PKHD1: variants seen among roughly 807,000 people sequenced by gnomAD.
PKHD1 encodes PKHD1 ciliary IPT domain containing fibrocystin/polyductin, also known as fibrocystin.
PKHD1 carries 291 observed loss-of-function variants against 412.0 expected under a neutral mutation model. The observed-to-expected ratio is 0.71, with a 90% CI of 0.64 to 0.78. The LOEUF (loss-of-function observed/expected upper bound fraction) is 0.78, where lower values mean the gene tolerates loss of function less well. PKHD1 is among the 30% of genes least tolerant of loss of function. The pLI, the probability that PKHD1 is intolerant of heterozygous loss-of-function variation, is 0.00. For missense variants in PKHD1, 4,825 were observed against 4,950.7 expected (o/e 0.97, Z 0.76); for synonymous variants, 1,777 against 1,821.5 (o/e 0.98, Z 0.62).
At chr6:51,853,941 A>T (rs1331998992) in intron 49 of PKHD1, among the ~76,000 whole-genome samples, 1 of 152,134 alleles carries the variant, frequency 6.6e-6, no homozygotes, top group African/African-American at 2.4e-5. Context: ...TTGATCCTCC[A>T]TCCAGTTCTG....
At chr6:51,861,685 G>A (rs1386241915) in intron 48 of PKHD1, among the ~76,000 whole-genome samples, 2 of 152,108 alleles carry the variant, frequency 1.3e-5, no homozygotes, top group African/African-American at 4.8e-5. Context: ...GCTAACACCT[G>A]CCACCATTCC....
intron 35 of PKHD1, among the ~76,000 whole-genome samples, chr6:51,987,159 C>CA (rs1460866438): frequency 6.6e-6 from 1 of 152,224 alleles, no homozygotes; most frequent in Non-Finnish European, 1.5e-5. Context: ...AGCAGAATCT[C>CA]AGAGTCCAGT....
chr6:52,035,792 G>C, intron 27 of PKHD1, 71 bp from the exon 28 acceptor site: 1 of 1,421,692 alleles, frequency 7.0e-7, no homozygotes, highest in Admixed American at 1.7e-5. Context: ...TTATGCACAA[G>C]ATGGATAAAA....
At chr6:51,833,909 C>T (rs910228722) in intron 51 of PKHD1, among the ~76,000 whole-genome samples, 9 of 152,100 alleles carry the variant, frequency 5.9e-5, no homozygotes, top group African/African-American at 2.2e-4. Context: ...AAACTGGAGC[C>T]CATGAATTTT....
chr6:51,828,616 A>G (rs1238357182), intron 52 of PKHD1, among the ~76,000 whole-genome samples: 1 of 152,154 alleles, frequency 6.6e-6, no homozygotes, highest in Non-Finnish European at 1.5e-5. Context: ...GATGGGAGCA[A>G]TGAGTTCATG....
chr6:51,672,057 C>T (rs1298164559), intron 60 of PKHD1, among the ~76,000 whole-genome samples: 2 of 152,210 alleles, frequency 1.3e-5, no homozygotes, highest in African/African-American at 4.8e-5. Context: ...TAAATGTTCA[C>T]AGAGTAGCTT....
In PKHD1 at chr6:51,885,776, G is replaced by A. The variant is rs992924473; in HGVS notation, c.7215+91C>T. On this transcript the variant is annotated intron_variant, in intron 45 of 66. Coordinates refer to ENST00000371117, the MANE Select transcript of PKHD1 (RefSeq NM_138694.4). ...TCAAGGGCAAGTCAATCCCATTTAAGTAGATATGCATAATGAATTGCTGTG... is the reference window on the plus strand; with the variant it reads ...TCAAGGGCAAGTCAATCCCATTTAAATAGATATGCATAATGAATTGCTGTG... 4.8e-6 allele frequency: 4 copies of A among 834,326 alleles called. No individual in the cohort carries two copies. The African/African-American group carries it at 6.8e-5, about 14-fold the overall frequency. 51.7% of individuals were successfully genotyped at this position (834,326 alleles called of 1,614,324 possible).
intron 19 of PKHD1, 143 bp downstream of exon 19, chr6:52,055,444 G>A (rs536222702): frequency 4.5e-4 from 391 of 867,414 alleles, no homozygotes; most frequent in Non-Finnish European, 6.5e-4. Flanking sequence ...AACAGCAGTC[G>A]AGAGACCTAG....
chr6:51,856,580 A>T lies in PKHD1; in HGVS notation c.7734-510T>A, dbSNP rs532180516. ...TAATTGGATATTCACATGAGGAACAATTGACAGAGGCCTGGGACCTGACAT... is the reference window on the plus strand; with the variant it reads ...TAATTGGATATTCACATGAGGAACATTTGACAGAGGCCTGGGACCTGACAT... On this transcript the variant is annotated intron_variant, in intron 48 of 66. Coordinates refer to ENST00000371117, the MANE Select transcript of PKHD1 (RefSeq NM_138694.4). 2.0e-5 allele frequency among the ~76,000 whole-genome samples: 3 copies of T among 152,350 alleles called. No individual in the cohort carries two copies. In the East Asian group the frequency reaches 5.8e-4, roughly 29 times the overall value.
chr6:51,898,081 C>T (rs1780448524), intron 43 of PKHD1, among the ~76,000 whole-genome samples: 1 of 150,560 alleles, frequency 6.6e-6, no homozygotes, highest in African/African-American at 2.4e-5. Flanking sequence ...TTTAACACCC[C>T]ACTGTCAACA....
intron 37 of PKHD1, among the ~76,000 whole-genome samples, chr6:51,918,930 T>C (rs1784255513): frequency 6.6e-6 from 1 of 152,206 alleles, no homozygotes; most frequent in African/African-American, 2.4e-5. Flanking sequence ...ATAAATATCT[T>C]CCTTTGAGAA....
At chr6:51,704,262 TG>T (rs1290087833) in intron 60 of PKHD1, among the ~76,000 whole-genome samples, 1 of 151,934 alleles carries the variant, frequency 6.6e-6, no homozygotes, top group African/African-American at 2.4e-5. Context: ...CAACAAGCAG[TG>T]TTTATCATAC....
intron 52 of PKHD1, among the ~76,000 whole-genome samples, chr6:51,803,390 T>C (rs1035680508): frequency 2.0e-4 from 31 of 152,164 alleles, no homozygotes; most frequent in South Asian, 6.2e-4. Context: ...AGAATGTTTA[T>C]TCACAATTCT....
chr6:51,915,540 G>T lies in PKHD1; in HGVS notation c.6122-2964C>A, dbSNP rs558224071. ...ATCCTGAATGCATAAAATCACAAAT[G>T]AGACAGAGAAACAAGCACCCCAATG... On this transcript the variant is annotated intron_variant, in intron 37 of 66. Transcript: ENST00000371117. Among the ~76,000 whole-genome samples the T allele has an allele frequency of 9.2e-5, 14 of 152,102 alleles. No homozygotes were observed. The East Asian group carries it at 2.7e-3, about 30-fold the overall frequency.
intron 66 of PKHD1, among the ~76,000 whole-genome samples, chr6:51,626,374 T>G (rs761407867): frequency 3.3e-5 from 5 of 152,202 alleles, no homozygotes; most frequent in African/African-American, 7.2e-5. Context: ...CTGCCCAGTC[T>G]TCCTATTTGC....
intron 4 of PKHD1, among the ~76,000 whole-genome samples, chr6:52,080,640 A>G (rs1443046432): frequency 1.3e-5 from 2 of 152,214 alleles, no homozygotes; most frequent in Non-Finnish European, 2.9e-5. Context: ...ATGACCTTAA[A>G]TATTTAGATC....
At chr6:51,907,855 C>T (rs1321406154) in intron 40 of PKHD1, among the ~76,000 whole-genome samples, 1 of 152,036 alleles carries the variant, frequency 6.6e-6, no homozygotes, top group Admixed American at 6.6e-5. Flanking sequence ...AATTTTCAAA[C>T]TTTTATTTTT....
In PKHD1 at chr6:51,649,172, A is replaced by G. The variant is rs778676351; in HGVS notation, c.11223T>C (p.Tyr3741=). The stretch of plus-strand genomic sequence containing the variant: ...AAGGCTGGACTAGGATGGAAAGTGC[A>G]TAGGGCCGAATATATATCAAGTTCC... ...KTGNLIYIRP[Y]ALSILVQPSD... is the part of the protein sequence containing the mutation. Residue 3741 remains tyrosine, a synonymous_variant, in exon 62 of 67, where the codon TAT becomes TAC. Transcript: ENST00000371117. 6.2e-7 allele frequency: 1 copy of G among 1,611,988 alleles called. No homozygotes were observed. The highest frequency in any genetic ancestry group is 8.5e-7 in the Non-Finnish European group (1 of 1,178,138).
intron 53 of PKHD1, among the ~76,000 whole-genome samples, chr6:51,777,962 A>C (rs1214393494): frequency 6.6e-6 from 1 of 152,112 alleles, no homozygotes; most frequent in Admixed American, 6.6e-5. Flanking sequence ...AACTGAGAGA[A>C]AACGAAAGAT....
Sources: allele counts gnomAD v4.1 joint callset (sites outside exome capture counted in the v4.1 genomes callset), GRCh38; gene constraint gnomAD v4.1.1; transcripts MANE v1.5; gene names NCBI Gene and HGNC (gene_info 2026-07-23, HGNC 2026-07-21).